Variants in LRRC9 observed in about 807,000 individuals in gnomAD.
LRRC9 encodes leucine-rich repeat-containing protein 9.
Under a neutral mutation model 63.2 loss-of-function variants are expected in LRRC9, and 122 were observed. The observed-to-expected ratio is 1.93, with a 90% CI of 1.67 to 2.24. The LOEUF (loss-of-function observed/expected upper bound fraction) is 2.24. Ranked by LOEUF, LRRC9 falls within the 30% of genes most tolerant of loss-of-function variation. The probability of loss-of-function intolerance (pLI) is 0.00; values close to 1 mark genes in which losing one functional copy is unlikely to be tolerated. For synonymous variants in LRRC9, 366 were observed against 213.1 expected (o/e 1.72, Z -6.25); for missense variants, 1,071 against 627.7 (o/e 1.71, Z -7.55).
chr14:59,968,302 G>A (rs1382380459), intron 12 of LRRC9, among the ~76,000 whole-genome samples: 1 of 152,146 alleles, frequency 6.6e-6, no homozygotes, highest in Non-Finnish European at 1.5e-5. Flanking sequence ...ACTGTTTAAT[G>A]GGTACAGAGT....
intron 28 of LRRC9, 47 bp downstream of exon 28, chr14:60,028,148 T>A: frequency 3.0e-6 from 2 of 656,860 alleles, no homozygotes; most frequent in Non-Finnish European, 5.4e-6. Context: ...CTTTAGTTTC[T>A]CTGAGTTCTG....
At chr14:60,050,048 G>A (rs1046703927) in intron 29 of LRRC9, among the ~76,000 whole-genome samples, 4 of 151,884 alleles carry the variant, frequency 2.6e-5, no homozygotes, top group African/African-American at 9.7e-5. Context: ...CTAGGCTGGA[G>A]TGCAGTGGCA....
chr14:60,066,412 T>C (rs1318291211), downstream of LRRC9, among the ~76,000 whole-genome samples: 2 of 152,104 alleles, frequency 1.3e-5, no homozygotes, highest in African/African-American at 4.8e-5. Context: ...GGAGGTAAGA[T>C]TATTATAATA....
intron 8 of LRRC9, among the ~76,000 whole-genome samples, chr14:59,945,778 A>G (rs1288704648): frequency 6.6e-6 from 1 of 152,080 alleles, no homozygotes; most frequent in East Asian, 1.9e-4. Context: ...AAAATTGAGC[A>G]AAGTACATAA....
intron 8 of LRRC9, among the ~76,000 whole-genome samples, chr14:59,957,957 G>C (rs1034716464): frequency 1.3e-5 from 2 of 152,196 alleles, no homozygotes; most frequent in African/African-American, 4.8e-5. Context: ...AGCAGTGGAG[G>C]CTGCAGAATA....
intron 31 of LRRC9, among the ~76,000 whole-genome samples, chr14:60,061,489 G>T (rs1042662931): frequency 1.3e-5 from 2 of 152,098 alleles, no homozygotes; most frequent in Non-Finnish European, 2.9e-5. Flanking sequence ...TAAACATAAT[G>T]CTACTGCACA....
In LRRC9 at chr14:60,027,022, G is replaced by A. The variant is rs555564104; in HGVS notation, c.3704-862G>A. On this transcript the variant is annotated intron_variant, in intron 27 of 31. Transcript: ENST00000445360. This position sits in a 1 kb window ranked among gnomAD's most constrained non-coding sequence, Gnocchi z 4.0. ...AGGATTTTCACATATGAATTGGAGGGGGACACAATTCAGCACATAATAATC... is the reference window on the plus strand; with the variant it reads ...AGGATTTTCACATATGAATTGGAGGAGGACACAATTCAGCACATAATAATC... Among the ~76,000 whole-genome samples, 1 of 151,872 alleles carries A rather than the reference G, an allele frequency of 6.6e-6. No homozygotes were observed. The highest frequency in any genetic ancestry group is 2.1e-4 in the South Asian group (1 of 4,822).
intron 17 of LRRC9, 146 bp from the exon 18 acceptor site, chr14:59,997,510 T>C: frequency 2.0e-6 from 1 of 491,686 alleles, no homozygotes; most frequent in Non-Finnish European, 3.6e-6. Flanking sequence ...CATATGTTGA[T>C]ACCATCATTG....
At chr14:60,045,585 C>T (rs1230199004) in intron 29 of LRRC9, among the ~76,000 whole-genome samples, 3 of 152,096 alleles carry the variant, frequency 2.0e-5, no homozygotes, top group African/African-American at 7.2e-5. Context: ...CTATCCATGT[C>T]CCTGCAAAGG....
In LRRC9 at chr14:60,053,402, CACACACACACACACACACAT is replaced by C. The variant is rs1894039369; in HGVS notation, c.4131+199_4131+218del. The stretch of plus-strand genomic sequence containing the variant: ...GCGTGCTCACACACACACACACACA[CACACACACACACACACACAT>C]ATATATGTAAGTCAGGGAACATCCT... On this transcript the variant is annotated intron_variant, in intron 30 of 31. Coordinates refer to ENST00000445360, the Ensembl canonical transcript of LRRC9. This position sits in a 1 kb window ranked among gnomAD's most constrained non-coding sequence, Gnocchi z 4.8. Among the ~76,000 whole-genome samples, 2 of 75,048 alleles carry C rather than the reference CACACACACACACACACACAT, an allele frequency of 2.7e-5. No homozygotes were observed. Among genetic ancestry groups the C allele is most frequent in the South Asian group, 6.9e-4 (2 of 2,884 alleles). 49.2% of individuals were successfully genotyped at this position (75,048 alleles called of 152,430 possible).
Position 60,027,927 on chromosome 14 carries a change from C to G in LRRC9, c.3747C>G (p.Val1249=), listed in dbSNP as rs1397941225. 3 of 701,354 alleles carry G rather than the reference C, an allele frequency of 4.3e-6. No individual in the cohort carries two copies. The highest frequency in any genetic ancestry group is 7.8e-6 in the Non-Finnish European group (3 of 384,128). The allele number at this position is 701,354 out of a possible 1,614,324, so 43.4% of individuals were successfully genotyped here. A position where few individuals can be genotyped will look rare whatever the true frequency, so the allele number is the denominator to read the frequency against. ...TTGAAGGGCTTGACAACTTAGTAGT[C>G]CTTCAAGAATTGGTAGTGGACCATA... Residue 1249 remains valine, a synonymous_variant, in exon 28 of 32, where the codon GTC becomes GTG. Coordinates refer to ENST00000445360, the Ensembl canonical transcript of LRRC9. The surrounding 1 kb of genome is among the most constrained non-coding windows in gnomAD (Gnocchi z 4.0).
intron 3 of LRRC9, among the ~76,000 whole-genome samples, chr14:59,929,366 A>T (rs1013461726): frequency 6.6e-6 from 1 of 152,080 alleles, no homozygotes; most frequent in African/African-American, 2.4e-5. Context: ...TCAAAATCAC[A>T]CTGAGATACT....
chr14:59,993,958 C>T (rs1257253664), intron 17 of LRRC9, among the ~76,000 whole-genome samples: 6 of 152,100 alleles, frequency 3.9e-5, no homozygotes, highest in Admixed American at 6.5e-5. Flanking sequence ...CTGCACCAAG[C>T]GGACCTAATA....
chr14:60,010,083 T>C (rs1890137740), intron 23 of LRRC9, among the ~76,000 whole-genome samples: 1 of 152,208 alleles, frequency 6.6e-6, no homozygotes, highest in Non-Finnish European at 1.5e-5. Flanking sequence ...TCTACCATTC[T>C]GGGGTCTGAA....
At chr14:59,982,115 A>G (rs1294138990) in intron 16 of LRRC9, 55 bp downstream of exon 16, 1 of 660,646 alleles carries the variant, frequency 1.5e-6, no homozygotes, top group Non-Finnish European at 2.7e-6. Flanking sequence ...TTGGAATCAG[A>G]ATCTAGCATA....
chr14:60,051,850 T>C lies in LRRC9; in HGVS notation c.3991-1215T>C, dbSNP rs1283492917. 6.6e-6 allele frequency among the ~76,000 whole-genome samples: 1 copy of C among 152,178 alleles called. No individual in the cohort carries two copies. Among genetic ancestry groups the C allele is most frequent in the African/African-American group, 2.4e-5 (1 of 41,448 alleles). ...ACAAGGGGATCTCCCAATTTGTGGG[T>C]TGCAAAGATTCATGGGAGAAGCGTG... On this transcript the variant is annotated intron_variant, in intron 29 of 31. Transcript: ENST00000445360. This position sits in a 1 kb window ranked among gnomAD's most constrained non-coding sequence, Gnocchi z 4.7.
rs75474143 is a variant in LRRC9 at position 60,014,485 on chromosome 14, G to T, written c.3187-2175G>T. ...GTTTTCCTTCCTATGAGAATGTCTTGCTTTCTCTTTTTATTTCTGAATGAT... is the reference window on the plus strand; with the variant it reads ...GTTTTCCTTCCTATGAGAATGTCTTTCTTTCTCTTTTTATTTCTGAATGAT... On this transcript the variant is annotated intron_variant, in intron 23 of 31. Coordinates refer to ENST00000445360, the Ensembl canonical transcript of LRRC9. 1.5e-4 allele frequency among the ~76,000 whole-genome samples: 22 copies of T among 151,660 alleles called. 1 individual carries two copies. In the East Asian group the frequency reaches 3.9e-3, roughly 27 times the overall value.
chr14:60,045,758 A>G lies in LRRC9; in HGVS notation c.3991-7307A>G, dbSNP rs144095455. On this transcript the variant is annotated intron_variant, in intron 29 of 31. Coordinates refer to ENST00000445360, the Ensembl canonical transcript of LRRC9. ...AAACGCGTTCATGTATCTTTCTAAT[A>G]GAATGATTTATATTCCTTGGGGTAT... Among the ~76,000 whole-genome samples the G allele has an allele frequency of 3.0e-3, 458 of 152,306 alleles. 3 individuals are homozygous for G. Among genetic ancestry groups the G allele is most frequent in the African/African-American group, 0.011 (437 of 41,578 alleles).
chr14:60,057,363 C>G (rs1449536856), intron 30 of LRRC9, among the ~76,000 whole-genome samples: 2 of 152,122 alleles, frequency 1.3e-5, no homozygotes, highest in Non-Finnish European at 2.9e-5. Flanking sequence ...ACTACATTCA[C>G]TAAAATTGAT....
Sources: allele counts gnomAD v4.1 joint callset (sites outside exome capture counted in the v4.1 genomes callset), GRCh38; gene constraint gnomAD v4.1.1; non-coding constraint Gnocchi (gnomAD v3.1); transcripts MANE v1.5; gene names NCBI Gene and HGNC (gene_info 2026-07-23, HGNC 2026-07-21).